The following KALRN variants were observed in gnomAD, a reference collection of about 807,000 sequenced individuals.
KALRN encodes the protein kalirin RhoGEF kinase, also known as kalirin.
In KALRN, 70 loss-of-function variants were observed where a neutral mutation model predicts 353.7. That is an observed-to-expected ratio of 0.20 (90% CI 0.16 to 0.24). The LOEUF (loss-of-function observed/expected upper bound fraction) is 0.24. Ranked by LOEUF, KALRN falls within the 10% of genes least tolerant of loss-of-function variation. The pLI is 1.00. For missense variants in KALRN, 2,791 were observed against 3,756.7 expected, an observed-to-expected ratio of 0.74 and a Z score of 6.72; for synonymous variants, 1,391 against 1,434.8, an observed-to-expected ratio of 0.97 and a Z score of 0.69.
At position 124,609,202 on chromosome 3, in the gene KALRN, AT is replaced by A. The variant is rs34104451; in HGVS notation, c.5183-23208del. ...TTACAGAAACTTTTCTTTTTCCTCA[AT>A]TTTTTTTTTCCTGTAATGCTTATAT... On this transcript the variant is annotated intron_variant, in intron 34 of 59. Coordinates refer to ENST00000682506, the MANE Select transcript of KALRN (RefSeq NM_001388419.1). Among the ~76,000 whole-genome samples the A allele has an allele frequency of 8.0e-5, 12 of 150,938 alleles. No individual in the cohort carries two copies. In the South Asian group the frequency reaches 1.0e-3, roughly 13 times the overall value.
At chr3:124,175,383 C>T (rs892020381) in intron 1 of KALRN, among the ~76,000 whole-genome samples, 25 of 151,212 alleles carry the variant, frequency 1.7e-4, no homozygotes, top group Admixed American at 1.4e-3. Flanking sequence ...ATGTGCGCTG[C>T]GAAGTGTCCA....
At chr3:124,488,826 A>C (rs572107094) in intron 29 of KALRN, 1 of 152,388 alleles carries the variant, frequency 6.6e-6, no homozygotes, top group South Asian at 2.1e-4. Context: ...TTGAATGTAC[A>C]GTTCGGTGGC....
chr3:124,549,181 A>G (rs1049232425), intron 33 of KALRN, among the ~76,000 whole-genome samples: 7 of 123,914 alleles, frequency 5.6e-5, no homozygotes, highest in African/African-American at 2.5e-4. Flanking sequence ...CCCAGATTAT[A>G]AATCACCATG....
intron 1 of KALRN, among the ~76,000 whole-genome samples, chr3:124,121,865 C>T (rs2064061967): frequency 6.6e-6 from 1 of 152,318 alleles, no homozygotes. Context: ...CACAGGCAGA[C>T]CTGTTAGCAG....
intron 33 of KALRN, among the ~76,000 whole-genome samples, chr3:124,558,518 A>G (rs7647082): frequency 0.13 from 20,052 of 152,242 alleles, 1,466 homozygotes; most frequent in Middle Eastern, 0.24. Context: ...ACCTCAAGTG[A>G]TCCACCGCCC....
chr3:124,639,073 G>T (rs893816696), intron 37 of KALRN, among the ~76,000 whole-genome samples: 4 of 152,102 alleles, frequency 2.6e-5, no homozygotes, highest in African/African-American at 9.7e-5. Context: ...TTATTTATTT[G>T]GTTGTTGAAC....
At chr3:124,695,029 T>C (rs139308333) in intron 53 of KALRN, among the ~76,000 whole-genome samples, 10 of 151,754 alleles carry the variant, frequency 6.6e-5, no homozygotes, top group African/African-American at 2.4e-4. Flanking sequence ...AAAAATGTAA[T>C]CCTCACATCT....
chr3:124,660,952 T>C lies in KALRN; in HGVS notation c.6246T>C (p.Gly2082=), dbSNP rs1020766238. Residue 2082 remains glycine (G), a synonymous_variant, in exon 44 of 60, where the codon GGT becomes GGC. Coordinates refer to ENST00000682506, the MANE Select transcript of KALRN (RefSeq NM_001388419.1). ...KDFLRYSEKA[G]LECSDIEKAV... is the part of the protein sequence containing the mutation. ...TCCTGAGATACAGTGAGAAGGCTGG[T>C]TTGGAGTGTTCAGATATTGAGGTGA... is the stretch of plus-strand genomic sequence containing the variant. The C allele has an allele frequency of 2.5e-6, 4 of 1,610,740 alleles. No homozygotes were observed. The Admixed American group carries it at 5.0e-5, about 20-fold the overall frequency.
In KALRN at chr3:124,074,844, C is replaced by G. The variant is rs111269393; in HGVS notation, c.73+41031C>G. On this transcript the variant is annotated intron_variant, in intron 1 of 59. Transcript: ENST00000682506. ...GTATATTTTTTCATTTTGTTTCTGG[C>G]CTCCAAGTAGTTTACTGAAAAAGTG... Among the ~76,000 whole-genome samples, 861 of 152,220 alleles carry G rather than the reference C, an allele frequency of 5.7e-3. 12 individuals are homozygous for G. Among genetic ancestry groups the G allele is most frequent in the African/African-American group, 0.02 (821 of 41,536 alleles).
intron 9 of KALRN, 82 bp from the exon 10 acceptor site, chr3:124,347,061 A>G: frequency 1.3e-6 from 2 of 1,595,660 alleles, no homozygotes; most frequent in Non-Finnish European, 1.7e-6. Context: ...AGGGGTGGTT[A>G]GGACTCTAGC....
chr3:124,530,999 T>G (rs909969490), intron 33 of KALRN, among the ~76,000 whole-genome samples: 1 of 152,192 alleles, frequency 6.6e-6, no homozygotes, highest in Non-Finnish European at 1.5e-5. Flanking sequence ...TGTAATGTAG[T>G]TTTATCCATA....
intron 33 of KALRN, among the ~76,000 whole-genome samples, chr3:124,540,897 G>T (rs981383718): frequency 9.2e-5 from 14 of 152,144 alleles, no homozygotes; most frequent in Admixed American, 9.2e-4. Context: ...CAGAGCTTAG[G>T]AACTATGTAA....
At chr3:124,637,436 T>G in intron 37 of KALRN, 133 bp downstream of exon 37, 2 of 709,064 alleles carry the variant, frequency 2.8e-6, no homozygotes, top group South Asian at 3.3e-5. Flanking sequence ...TGATGGTTTC[T>G]AAAAAGCTGT....
intron 54 of KALRN, among the ~76,000 whole-genome samples, chr3:124,696,496 A>G (rs1468307840): frequency 6.6e-6 from 1 of 152,124 alleles, no homozygotes; most frequent in East Asian, 1.9e-4. Context: ...TAAAACATTT[A>G]TTTTTTAAAT....
intron 1 of KALRN, among the ~76,000 whole-genome samples, chr3:124,136,985 G>A (rs1469119899): frequency 6.6e-6 from 1 of 152,120 alleles, no homozygotes; most frequent in Non-Finnish European, 1.5e-5. Context: ...AGGGTTGATG[G>A]GGCAGAGCAG....
chr3:124,504,256 G>A lies in KALRN; in HGVS notation c.4935+7843G>A, dbSNP rs535768901. ...ATTTGAAATCATGGAATCTTAGGAA[G>A]GAAAGGAACCTTAGAGATCATCTAG... is the stretch of plus-strand genomic sequence containing the variant. On this transcript the variant is annotated intron_variant, in intron 33 of 59. Transcript: ENST00000682506. 5.3e-5 allele frequency among the ~76,000 whole-genome samples: 8 copies of A among 152,030 alleles called. No individual in the cohort carries two copies. In the East Asian group the frequency reaches 1.5e-3, roughly 29 times the overall value.
intron 3 of KALRN, among the ~76,000 whole-genome samples, chr3:124,241,675 A>G (rs1370646220): frequency 2.6e-5 from 4 of 152,144 alleles, no homozygotes; most frequent in Non-Finnish European, 5.9e-5. Flanking sequence ...GTCTCCTTCT[A>G]TGGTCTGGGG....
intron 45 of KALRN, among the ~76,000 whole-genome samples, chr3:124,665,861 G>C (rs1378428436): frequency 1.3e-5 from 2 of 152,140 alleles, no homozygotes; most frequent in Non-Finnish European, 2.9e-5. Flanking sequence ...TTACCTGTTG[G>C]CCTATAACTA....
intron 1 of KALRN, among the ~76,000 whole-genome samples, chr3:124,152,682 T>A (rs564343004): frequency 2.7e-5 from 4 of 149,704 alleles, no homozygotes; most frequent in Admixed American, 6.7e-5. Context: ...CAACCTCTGC[T>A]GCCCGGGTTC....
Sources: gnomAD v4.1 joint callset for allele counts (sites outside exome capture counted in the v4.1 genomes callset) on GRCh38, gnomAD v4.1.1 for gene constraint, MANE v1.5 for transcripts, NCBI Gene and HGNC (gene_info 2026-07-23, HGNC 2026-07-21) for gene names.